The following SLC6A13 variants were observed in gnomAD, a reference collection of about 807,000 sequenced individuals.
SLC6A13 encodes solute carrier family 6 member 13.
SLC6A13 carries 69 observed loss-of-function variants against 72.9 expected under a neutral mutation model. That is an observed-to-expected ratio of 0.95 (90% CI 0.78 to 1.16). The LOEUF is 1.16. Ranked by LOEUF, SLC6A13 falls within the 50% of genes most tolerant of loss-of-function variation. The pLI is 0.00. For missense variants in SLC6A13, 735 were observed against 760.5 expected (o/e 0.97, Z 0.39); for synonymous variants, 303 against 303.0 (o/e 1.00, Z 0.00).
chr12:237,880 C>A, intron 5 of SLC6A13, 46 bp downstream of exon 5: 1 of 1,417,522 alleles, frequency 7.1e-7, no homozygotes, highest in Non-Finnish European at 1.0e-6. Context: ...CCATACCCTT[C>A]TTCTGAACAC....
rs1307844221 is a variant in SLC6A13, at chr12:260,016, C to T, written c.37G>A (p.Glu13Lys). ...SRVSGTTSNG[E>K]TKPVYPVMEK... ...ATGACTGGATACACTGGTTTTGTCT[C>T]TCCATTACTGGTTGTGCCTGAGACC... is the stretch of plus-strand genomic sequence containing the variant. Residue 13 changes from glutamate to lysine, a missense_variant, in exon 2 of 15, where the codon GAG (glutamate) becomes AAG (lysine). Transcript: ENST00000343164. 3 of 1,614,198 alleles carry T rather than the reference C, an allele frequency of 1.9e-6. No homozygotes were observed. The highest frequency in any genetic ancestry group is 1.6e-4 in the Middle Eastern group (1 of 6,062).
At chr12:260,499 G>C (rs1369816896) in intron 1 of SLC6A13, among the ~76,000 whole-genome samples, 1 of 152,192 alleles carries the variant, frequency 6.6e-6, no homozygotes, top group Non-Finnish European at 1.5e-5. Flanking sequence ...AATTTCCCTT[G>C]CAGGAATTTA....
At chr12:242,528 G>A in intron 4 of SLC6A13, 86 bp downstream of exon 4, 2 of 1,214,238 alleles carry the variant, frequency 1.6e-6, no homozygotes, top group Non-Finnish European at 2.3e-6. Context: ...GTGTGTCCGT[G>A]TTAAGCGGGG....
chr12:232,880 AG>A (rs1941769082), intron 7 of SLC6A13, among the ~76,000 whole-genome samples: 1 of 152,242 alleles, frequency 6.6e-6, no homozygotes, highest in African/African-American at 2.4e-5. Context: ...CAGAGTGGCC[AG>A]GAGACCTGAG....
rs1565488794 is a variant in SLC6A13, at chr12:224,515, TACG to T, written c.1061-5_1061-3del. The T allele has an allele frequency of 6.2e-7, 1 of 1,613,118 alleles. No homozygotes were observed. The highest frequency in any genetic ancestry group is 8.5e-7 in the Non-Finnish European group (1 of 1,179,240). Reference sequence around the variant, plus strand: ...AAGCGATGAAAGCCAGGCCAGGGCCTACGACAAGGAGCAGAGGAACACGGGCCA... The same window carrying T: ...AAGCGATGAAAGCCAGGCCAGGGCCTACAAGGAGCAGAGGAACACGGGCCA... On this transcript the variant is annotated splice_polypyrimidine_tract_variant and splice_region_variant and intron_variant, in intron 9 of 14. Coordinates refer to ENST00000343164, the MANE Select transcript of SLC6A13 (RefSeq NM_016615.5).
At chr12:259,490 A>G in intron 2 of SLC6A13, 1 of 1,308,674 alleles carries the variant, frequency 7.6e-7, no homozygotes, top group Non-Finnish European at 9.7e-7. Context: ...TGACCTTGAA[A>G]GGCAGGCATT....
chr12:260,698 G>A (rs912736992), intron 1 of SLC6A13, among the ~76,000 whole-genome samples: 1 of 151,920 alleles, frequency 6.6e-6, no homozygotes, highest in Non-Finnish European at 1.5e-5. Flanking sequence ...CAAGTATATC[G>A]GCACAAAAGG....
In SLC6A13 at chr12:224,518, G is replaced by A. The variant is rs376434367; in HGVS notation, c.1061-5C>T. The A allele has an allele frequency of 1.1e-3, 1,821 of 1,612,522 alleles. 1 individual carries two copies. Among genetic ancestry groups the A allele is most frequent in the Admixed American group, 2.1e-3 (125 of 60,018 alleles). On this transcript the variant is annotated splice_region_variant and splice_polypyrimidine_tract_variant and intron_variant, in intron 9 of 14. Transcript: ENST00000343164. ...CGATGAAAGCCAGGCCAGGGCCTAC[G>A]ACAAGGAGCAGAGGAACACGGGCCA...
intron 2 of SLC6A13, among the ~76,000 whole-genome samples, chr12:244,679 G>A (rs1322310911): frequency 2.0e-5 from 3 of 151,936 alleles, no homozygotes; most frequent in African/African-American, 7.3e-5. Flanking sequence ...GGGTGACAGA[G>A]CAAGACCCTG....
chr12:242,312 G>A (rs949451708), intron 4 of SLC6A13, among the ~76,000 whole-genome samples: 1 of 152,182 alleles, frequency 6.6e-6, no homozygotes, highest in South Asian at 2.1e-4. Flanking sequence ...CGAAACAAAT[G>A]AATGAACAAA....
chr12:255,051 T>G (rs1045427450), intron 2 of SLC6A13, among the ~76,000 whole-genome samples: 1 of 152,172 alleles, frequency 6.6e-6, no homozygotes, highest in Non-Finnish European at 1.5e-5. Flanking sequence ...CACGTCTCAG[T>G]GAATGGCAGC....
At chr12:238,059 C>T (rs78211840) in intron 4 of SLC6A13, 49 bp from the exon 5 acceptor site, 1 of 1,590,548 alleles carries the variant, frequency 6.3e-7, no homozygotes, top group Non-Finnish European at 8.6e-7. Context: ...CATCAGCCAG[C>T]CTATGACACA....
At chr12:233,790 T>C (rs1436773759) in intron 7 of SLC6A13, among the ~76,000 whole-genome samples, 1 of 152,162 alleles carries the variant, frequency 6.6e-6, no homozygotes, top group Admixed American at 6.5e-5. Context: ...CTGGGTTCCC[T>C]GGCAGCTGTG....
At chr12:251,245 T>G (rs1431745967) in intron 2 of SLC6A13, among the ~76,000 whole-genome samples, 1 of 151,506 alleles carries the variant, frequency 6.6e-6, no homozygotes, top group Non-Finnish European at 1.5e-5. Context: ...AGCACAGTAA[T>G]GAACACAGTG....
intron 2 of SLC6A13, among the ~76,000 whole-genome samples, chr12:245,074 G>A (rs1942301921): frequency 6.6e-6 from 1 of 152,214 alleles, no homozygotes; most frequent in African/African-American, 2.4e-5. Context: ...GCACAGACAG[G>A]AGAATCTGCA....
chr12:233,427 G>C (rs771499568), intron 7 of SLC6A13, among the ~76,000 whole-genome samples: 1 of 152,206 alleles, frequency 6.6e-6, no homozygotes, highest in Non-Finnish European at 1.5e-5. Flanking sequence ...CTACCCGGAC[G>C]GTAAAAAAGC....
intron 7 of SLC6A13, 90 bp from the exon 8 acceptor site, chr12:227,758 CACTGGCT>C (rs1171049790): frequency 8.8e-7 from 1 of 1,130,456 alleles, no homozygotes; most frequent in African/African-American, 1.5e-5. Context: ...CTGAGCCAGA[CACTGGCT>C]AGGGATGGCG....
chr12:225,209 A>G (rs1472693679), intron 9 of SLC6A13, among the ~76,000 whole-genome samples: 1 of 152,244 alleles, frequency 6.6e-6, no homozygotes, highest in South Asian at 2.1e-4. Flanking sequence ...GAAGAGCATC[A>G]CTGTGACCTC....
At chr12:258,163 A>G (rs1182313038) in intron 2 of SLC6A13, among the ~76,000 whole-genome samples, 3 of 152,204 alleles carry the variant, frequency 2.0e-5, no homozygotes, top group African/African-American at 4.8e-5. Context: ...GCAAAGTCCT[A>G]TGATTTCAGG....
Sources: gnomAD v4.1 joint callset for allele counts (sites outside exome capture counted in the v4.1 genomes callset) on GRCh38, gnomAD v4.1.1 for gene constraint, MANE v1.5 for transcripts, NCBI Gene and HGNC (gene_info 2026-07-23, HGNC 2026-07-21) for gene names.